Variants in THSD7B observed in about 807,000 individuals in gnomAD.
THSD7B encodes thrombospondin type-1 domain-containing protein 7B.
In THSD7B, 138 loss-of-function variants were observed where a neutral mutation model predicts 213.6. The ratio of observed to expected loss-of-function variants is 0.65; its 90% CI spans 0.56 to 0.74. The LOEUF (loss-of-function observed/expected upper bound fraction) is 0.74, where lower values mean the gene tolerates loss of function less well. Ranked by LOEUF, THSD7B falls within the 30% of genes least tolerant of loss-of-function variation. The probability of loss-of-function intolerance (pLI) is 0.00; values close to 1 mark genes in which losing one functional copy is unlikely to be tolerated. For missense variants in THSD7B, 1,931 were observed against 1,991.5 expected, an observed-to-expected ratio of 0.97 and a Z score of 0.58; for synonymous variants, 742 against 687.0, an observed-to-expected ratio of 1.08 and a Z score of -1.25.
intron 12 of THSD7B, among the ~76,000 whole-genome samples, chr2:137,313,713 ATCTC>A (rs1171072790): frequency 6.7e-6 from 1 of 150,348 alleles, no homozygotes; most frequent in African/African-American, 2.5e-5. Flanking sequence ...TGGTGACAAA[ATCTC>A]TCAGCATTTG....
chr2:137,462,551 C>A (rs1213629505), intron 15 of THSD7B, among the ~76,000 whole-genome samples: 3 of 152,052 alleles, frequency 2.0e-5, no homozygotes, highest in African/African-American at 7.2e-5. Context: ...TCTCCTGATT[C>A]ATCCTTTTAA....
At chr2:137,344,466 A>C (rs535407660) in intron 12 of THSD7B, among the ~76,000 whole-genome samples, 2 of 151,834 alleles carry the variant, frequency 1.3e-5, no homozygotes, top group South Asian at 2.1e-4. Context: ...AGAGATGAAA[A>C]AAGGAGAACT....
At position 137,432,676 on chromosome 2, in the gene THSD7B, C is replaced by T. The variant is rs114389936; in HGVS notation, c.2960-18169C>T. Among the ~76,000 whole-genome samples, 607 of 152,270 alleles carry T rather than the reference C, an allele frequency of 4.0e-3. 3 individuals carry two copies. The highest frequency in any genetic ancestry group is 0.014 in the African/African-American group (568 of 41,556). On this transcript the variant is annotated intron_variant, in intron 14 of 27. Transcript: ENST00000409968. The stretch of plus-strand genomic sequence containing the variant: ...CCACACATTTCATGTACCATGTGGA[C>T]TTCCTCTCACTGTTCCCCACGTGTC...
intron 13 of THSD7B, 108 bp downstream of exon 13, chr2:137,405,915 C>G (rs982028513): frequency 5.3e-6 from 5 of 943,944 alleles, no homozygotes; most frequent in African/African-American, 5.0e-5. Flanking sequence ...GTCTCTTCCT[C>G]TCTCTCCATT....
chr2:137,175,422 TAGAGTTCTGC>T (rs1369909830), intron 7 of THSD7B, among the ~76,000 whole-genome samples: 1 of 152,332 alleles, frequency 6.6e-6, no homozygotes, highest in African/African-American at 2.4e-5. Flanking sequence ...GGCATGGAGT[TAGAGTTCTGC>T]AGTGTTGCCA....
At chr2:137,639,939 G>A (rs1205454923) in intron 20 of THSD7B, among the ~76,000 whole-genome samples, 1 of 152,132 alleles carries the variant, frequency 6.6e-6, no homozygotes, top group Non-Finnish European at 1.5e-5. Context: ...GACTTGCCTT[G>A]TCTCAGATGA....
At chr2:137,340,969 A>G (rs1222341769) in intron 12 of THSD7B, among the ~76,000 whole-genome samples, 1 of 137,616 alleles carries the variant, frequency 7.3e-6, no homozygotes, top group Non-Finnish European at 1.5e-5. Flanking sequence ...ATCATACTCT[A>G]ATTCTCTTTT....
At chr2:136,813,248 A>G (rs908514600) in intron 1 of THSD7B, among the ~76,000 whole-genome samples, 1 of 152,262 alleles carries the variant, frequency 6.6e-6, no homozygotes, top group South Asian at 2.1e-4. Flanking sequence ...TGTGTCAAAC[A>G]GTCTTTCTTT....
chr2:137,600,324 G>A (rs1255457104), intron 17 of THSD7B, among the ~76,000 whole-genome samples: 2 of 152,176 alleles, frequency 1.3e-5, no homozygotes, highest in African/African-American at 4.8e-5. Flanking sequence ...CTAACCACAT[G>A]TATGAAGGTG....
intron 4 of THSD7B, among the ~76,000 whole-genome samples, chr2:137,114,288 C>G (rs1419943527): frequency 6.6e-6 from 1 of 152,208 alleles, no homozygotes; most frequent in African/African-American, 2.4e-5. Flanking sequence ...CAAGGTTATA[C>G]TACTGCTGTG....
At chr2:137,661,418 G>A (rs1009024030) in intron 25 of THSD7B, among the ~76,000 whole-genome samples, 7 of 151,826 alleles carry the variant, frequency 4.6e-5, no homozygotes, top group Non-Finnish European at 5.9e-5. Flanking sequence ...TTGAGCATGC[G>A]TCTTTGGTGA....
At chr2:137,258,224 T>G (rs540813133) in intron 10 of THSD7B, among the ~76,000 whole-genome samples, 19 of 152,218 alleles carry the variant, frequency 1.2e-4, no homozygotes, top group Non-Finnish European at 2.1e-4. Flanking sequence ...TTTTATGTTT[T>G]GAAATACTTT....
In THSD7B at chr2:137,177,695, G is replaced by A. The variant is rs986489708; in HGVS notation, c.1723+6757G>A. ...GTTGTAAGCCAAAGAAGGACAATGG[G>A]CAGCTTCATAATGTTAGCATATAAC... On this transcript the variant is annotated intron_variant, in intron 7 of 27. Coordinates refer to ENST00000409968, the MANE Select transcript of THSD7B (RefSeq NM_001316349.2). Among the ~76,000 whole-genome samples the A allele has an allele frequency of 2.6e-5, 4 of 152,278 alleles. No individual in the cohort carries two copies. The East Asian group carries it at 7.7e-4, about 29-fold the overall frequency.
intron 17 of THSD7B, among the ~76,000 whole-genome samples, chr2:137,573,371 A>T (rs1424431736): frequency 7.2e-5 from 11 of 152,114 alleles, no homozygotes; most frequent in Non-Finnish European, 1.3e-4. Flanking sequence ...ATGGAAATGG[A>T]AAATATCTTT....
At chr2:137,469,261 G>A (rs1018386618) in intron 15 of THSD7B, among the ~76,000 whole-genome samples, 1 of 152,088 alleles carries the variant, frequency 6.6e-6, no homozygotes, top group African/African-American at 2.4e-5. Context: ...GCTGCATAAC[G>A]CTAAATAGAG....
chr2:137,062,946 TATAAC>T (rs1333313217), intron 3 of THSD7B, among the ~76,000 whole-genome samples: 1 of 151,990 alleles, frequency 6.6e-6, no homozygotes, highest in East Asian at 1.9e-4. Context: ...TATTTGCAGT[TATAAC>T]AGACCTTGCC....
chr2:137,108,125 G>C (rs1287427410), intron 4 of THSD7B, among the ~76,000 whole-genome samples: 1 of 152,172 alleles, frequency 6.6e-6, no homozygotes, highest in Non-Finnish European at 1.5e-5. Context: ...TATGTGCTCA[G>C]TCAAAACATG....
intron 15 of THSD7B, among the ~76,000 whole-genome samples, chr2:137,557,231 GA>G (rs1680992778): frequency 6.6e-6 from 1 of 152,130 alleles, no homozygotes. Context: ...CAAATCAACA[GA>G]ATATACATTC....
At chr2:137,612,228 G>C (rs1682302845) in intron 17 of THSD7B, among the ~76,000 whole-genome samples, 1 of 152,136 alleles carries the variant, frequency 6.6e-6, no homozygotes, top group Non-Finnish European at 1.5e-5. Context: ...TGGTTCAAAT[G>C]CAATGTAATT....
Sources: allele counts gnomAD v4.1 joint callset (sites outside exome capture counted in the v4.1 genomes callset), GRCh38; gene constraint gnomAD v4.1.1; transcripts MANE v1.5; gene names NCBI Gene and HGNC (gene_info 2026-07-23, HGNC 2026-07-21).